The following CA2 variants were observed in gnomAD, a reference collection of about 807,000 sequenced individuals.
CA2 encodes carbonate dehydratase II.
Under a neutral mutation model 27.8 loss-of-function variants are expected in CA2, and 23 were observed. The ratio of observed to expected loss-of-function variants is 0.83; its 90% CI spans 0.59 to 1.17. The LOEUF is 1.17. CA2 is among the 50% of genes most tolerant of loss of function. The pLI is 0.00. For missense variants in CA2, 300 were observed against 314.7 expected (o/e 0.95, Z 0.35); for synonymous variants, 99 against 114.9 (o/e 0.86, Z 0.88).
intron 2 of CA2, 50 bp downstream of exon 2, chr8:85,465,519 G>A (rs945678999): frequency 8.2e-6 from 12 of 1,457,830 alleles, no homozygotes; most frequent in African/African-American, 1.4e-5. Flanking sequence ...GCTGTTTTCC[G>A]AGCTTAATGG....
rs148566896 is a variant in CA2 at position 85,470,018 on chromosome 8, G to A, written c.233-3675G>A. 1.1e-4 allele frequency among the ~76,000 whole-genome samples: 17 copies of A among 152,282 alleles called. 1 individual carries two copies. The East Asian group carries it at 3.3e-3, about 29-fold the overall frequency. ...AATGAAAGGGCTTGTCATGCACGCA[G>A]TAATGGTGTCAGCCGAACCTTAAAT... is the stretch of plus-strand genomic sequence containing the variant. On this transcript the variant is annotated intron_variant, in intron 2 of 6. Transcript: ENST00000285379.
intron 2 of CA2, among the ~76,000 whole-genome samples, chr8:85,469,945 A>G (rs534128578): frequency 3.1e-4 from 47 of 152,286 alleles, no homozygotes; most frequent in African/African-American, 1.1e-3. Flanking sequence ...TGAAGCTCTA[A>G]AAGTTTTCTT....
chr8:85,466,824 C>T (rs575147260), intron 2 of CA2, among the ~76,000 whole-genome samples: 1 of 152,334 alleles, frequency 6.6e-6, no homozygotes, highest in South Asian at 2.1e-4. Context: ...ATTCCTCTCA[C>T]TCCAAAGGAA....
intron 2 of CA2, among the ~76,000 whole-genome samples, chr8:85,471,078 C>A (rs1470397506): frequency 1.3e-5 from 2 of 152,054 alleles, no homozygotes; most frequent in African/African-American, 4.8e-5. Context: ...CAGAATATAG[C>A]ATAAAGTCCC....
chr8:85,478,085 G>C (rs1176987914), intron 6 of CA2, among the ~76,000 whole-genome samples: 1 of 152,206 alleles, frequency 6.6e-6, no homozygotes, highest in East Asian at 1.9e-4. Context: ...GTGCAATAGA[G>C]ATCATGTTGT....
chr8:85,476,972 T>A (rs1362572697), intron 5 of CA2, 148 bp from the exon 6 acceptor site: 1 of 721,448 alleles, frequency 1.4e-6, no homozygotes, highest in Non-Finnish European at 2.5e-6. Context: ...TTCTCTTTAT[T>A]TTGTTTGCCA....
chr8:85,467,844 CAG>C (rs1466723151), intron 2 of CA2, among the ~76,000 whole-genome samples: 2 of 152,132 alleles, frequency 1.3e-5, no homozygotes, highest in Non-Finnish European at 1.5e-5. Context: ...GATTGTGAAA[CAG>C]ATGAAAACCA....
chr8:85,465,393 T>C lies in CA2; in HGVS notation c.156T>C (p.Asp52=), dbSNP rs138896341. The part of the protein sequence containing the change: ...PSLKPLSVSY[D]QATSLRILNN... Reference sequence around the variant, plus strand: ...TGAAGCCCCTGTCTGTTTCCTATGATCAAGCAACTTCCCTGAGGATCCTCA... The same window carrying C: ...TGAAGCCCCTGTCTGTTTCCTATGACCAAGCAACTTCCCTGAGGATCCTCA... The change falls in exon 2 of 7, where the codon GAT becomes GAC. Residue 52 remains aspartate (D), a synonymous_variant. Coordinates refer to ENST00000285379, the MANE Select transcript of CA2 (RefSeq NM_000067.3). 2.8e-5 allele frequency: 45 copies of C among 1,614,194 alleles called. No homozygotes were observed. The highest frequency in any genetic ancestry group is 3.6e-5 in the Non-Finnish European group (42 of 1,180,026).
chr8:85,465,405 C>T lies in CA2; in HGVS notation c.168C>T (p.Ser56=). 6.2e-7 allele frequency: 1 copy of T among 1,614,194 alleles called. No individual in the cohort carries two copies. The highest frequency in any genetic ancestry group is 1.1e-5 in the South Asian group (1 of 91,082). The change falls in exon 2 of 7, where the codon TCC becomes TCT. Residue 56 remains serine, a synonymous_variant. Coordinates refer to ENST00000285379, the MANE Select transcript of CA2 (RefSeq NM_000067.3). ...PLSVSYDQAT[S]LRILNNGHAF... is the part of the protein sequence containing the mutation. ...CTGTTTCCTATGATCAAGCAACTTC[C>T]CTGAGGATCCTCAACAATGGTCATG... is the stretch of plus-strand genomic sequence containing the variant.
chr8:85,465,418 A>AACAAT lies in CA2; in HGVS notation c.182_186dup (p.Gly63ThrfsTer30). ...TCAAGCAACTTCCCTGAGGATCCTCAACAATGGTCATGCTTTCAACGTGGA... is the reference window on the plus strand; with the variant it reads ...TCAAGCAACTTCCCTGAGGATCCTCAACAATACAATGGTCATGCTTTCAACGTGGA... On this transcript the variant is annotated frameshift_variant, in exon 2 of 7. Coordinates refer to ENST00000285379, the MANE Select transcript of CA2 (RefSeq NM_000067.3). LOFTEE classifies it high-confidence loss of function. 6.2e-7 allele frequency: 1 copy of AACAAT among 1,614,236 alleles called. No individual in the cohort carries two copies. Among genetic ancestry groups the AACAAT allele is most frequent in the Non-Finnish European group, 8.5e-7 (1 of 1,180,044 alleles).
intron 2 of CA2, among the ~76,000 whole-genome samples, chr8:85,465,864 G>A (rs373068411): frequency 5.3e-5 from 8 of 152,276 alleles, no homozygotes; most frequent in East Asian, 1.9e-4. Flanking sequence ...ATATCTTAGT[G>A]AGCCTTATCT....
chr8:85,471,006 T>G (rs1811706559), intron 2 of CA2, among the ~76,000 whole-genome samples: 1 of 152,176 alleles, frequency 6.6e-6, no homozygotes, highest in Non-Finnish European at 1.5e-5. Flanking sequence ...GAAAATAGAT[T>G]TCATTTTAAA....
At chr8:85,464,991 A>T (rs1261528738) in intron 1 of CA2, 11 of 363,344 alleles carry the variant, frequency 3.0e-5, no homozygotes, top group Non-Finnish European at 5.6e-5. Context: ...AAACGACCTT[A>T]AAATAGCTAA....
intron 2 of CA2, among the ~76,000 whole-genome samples, chr8:85,470,714 T>G (rs1003920101): frequency 6.6e-6 from 1 of 152,108 alleles, no homozygotes; most frequent in Non-Finnish European, 1.5e-5. Context: ...TTAGTGCTTG[T>G]TTTGTGTTAT....
chr8:85,475,245 A>G (rs1056774941), intron 4 of CA2, among the ~76,000 whole-genome samples: 7 of 151,140 alleles, frequency 4.6e-5, no homozygotes, highest in African/African-American at 1.7e-4. Flanking sequence ...GGTGGTATAC[A>G]CCTGTAGTTT....
intron 2 of CA2, among the ~76,000 whole-genome samples, chr8:85,466,514 C>T (rs2130546122): frequency 1.3e-5 from 2 of 152,054 alleles, no homozygotes; most frequent in African/African-American, 4.8e-5. Context: ...AGAATTCTTC[C>T]CTCCTTTCAA....
intron 2 of CA2, 28 bp from the exon 3 acceptor site, chr8:85,473,665 T>A (rs376833573): frequency 9.7e-7 from 1 of 1,035,548 alleles, no homozygotes; most frequent in South Asian, 1.3e-5. Context: ...ACATATATGT[T>A]ACATATATAT....
At chr8:85,467,334 A>G (rs1336362332) in intron 2 of CA2, among the ~76,000 whole-genome samples, 2 of 152,212 alleles carry the variant, frequency 1.3e-5, no homozygotes, top group East Asian at 3.8e-4. Context: ...CTTTGGGAGT[A>G]ATACTGTCTA....
At position 85,473,784 on chromosome 8, in the gene CA2, T is replaced by C; in HGVS notation, c.324T>C (p.Thr108=). The change falls in exon 3 of 7, where the codon ACT becomes ACC. Residue 108 remains threonine, a synonymous_variant. Transcript: ENST00000285379. Reference sequence around the variant, plus strand: ...TTGATGGACAAGGTTCAGAGCATACTGTGGATAAAAAGAAATATGCTGCAG... The same window carrying C: ...TTGATGGACAAGGTTCAGAGCATACCGTGGATAAAAAGAAATATGCTGCAG... ...GSLDGQGSEH[T]VDKKKYAAEL... 6.2e-7 allele frequency: 1 copy of C among 1,600,892 alleles called. No homozygotes were observed.
Sources: gnomAD v4.1 joint callset for allele counts (sites outside exome capture counted in the v4.1 genomes callset) on GRCh38, gnomAD v4.1.1 for gene constraint, MANE v1.5 for transcripts, NCBI Gene and HGNC (gene_info 2026-07-23, HGNC 2026-07-21) for gene names.